DRGX: variants seen among roughly 807,000 people sequenced by gnomAD.
DRGX encodes dorsal root ganglia homeobox.
DRGX carries 21 observed loss-of-function variants against 28.6 expected under a neutral mutation model. The ratio of observed to expected loss-of-function variants is 0.73; its 90% confidence interval spans 0.52 to 1.06. The LOEUF (loss-of-function observed/expected upper bound fraction) is 1.06. Among genes scored for constraint, DRGX ranks in the 50% least tolerant of loss-of-function variants. DRGX has a pLI of 0.00. For synonymous variants in DRGX, 136 were observed against 139.1 expected, an observed-to-expected ratio of 0.98 and a Z score of 0.16; for missense variants, 354 against 343.9, an observed-to-expected ratio of 1.03 and a Z score of -0.23.
At chr10:49,370,773 A>G (rs1456201912) in intron 6 of DRGX, among the ~76,000 whole-genome samples, 1 of 152,284 alleles carries the variant, frequency 6.6e-6, no homozygotes, top group Non-Finnish European at 1.5e-5. Flanking sequence ...AAGGAAAAGT[A>G]TAAAGTCAAT....
intron 4 of DRGX, 93 bp downstream of exon 4, chr10:49,390,040 C>G: frequency 8.3e-7 from 1 of 1,205,364 alleles, no homozygotes; most frequent in Non-Finnish European, 1.1e-6. Context: ...CATTTGCTTT[C>G]TTTGGCCAAA....
intron 2 of DRGX, 90 bp from the exon 3 acceptor site, chr10:49,391,351 C>A: frequency 1.0e-6 from 1 of 982,204 alleles, no homozygotes; most frequent in South Asian, 1.4e-5. Flanking sequence ...CCCACCTGAC[C>A]CACCAGACAG....
chr10:49,388,385 GC>G (rs1386039387), intron 4 of DRGX, among the ~76,000 whole-genome samples: 1 of 152,244 alleles, frequency 6.6e-6, no homozygotes, highest in African/African-American at 2.4e-5. Context: ...CCCAGAGAGA[GC>G]CTGGGTCCTT....
chr10:49,386,350 C>T, intron 6 of DRGX, 128 bp downstream of exon 6: 2 of 755,290 alleles, frequency 2.6e-6, no homozygotes, highest in Non-Finnish European at 4.2e-6. Context: ...CTGGCTGTGA[C>T]TGACAGGAGG....
At chr10:49,394,266 G>A (rs934944225) in intron 2 of DRGX, among the ~76,000 whole-genome samples, 1 of 152,148 alleles carries the variant, frequency 6.6e-6, no homozygotes, top group Non-Finnish European at 1.5e-5. Context: ...GGACTCTTAA[G>A]AGCTTTTATG....
intron 2 of DRGX, among the ~76,000 whole-genome samples, chr10:49,394,865 GT>G (rs1399799322): frequency 3.7e-4 from 56 of 152,244 alleles, no homozygotes. Context: ...GGGCCACCTG[GT>G]TCCAGGGACG....
chr10:49,384,108 C>T (rs1400751061), intron 6 of DRGX, among the ~76,000 whole-genome samples: 1 of 152,234 alleles, frequency 6.6e-6, no homozygotes, highest in Non-Finnish European at 1.5e-5. Context: ...CAGCATGGCT[C>T]CTTGCTTAGC....
intron 6 of DRGX, among the ~76,000 whole-genome samples, chr10:49,381,958 G>A (rs947859972): frequency 6.6e-6 from 1 of 152,198 alleles, no homozygotes; most frequent in African/African-American, 2.4e-5. Flanking sequence ...TGGGTGAATT[G>A]CAAGCTGCCA....
chr10:49,383,155 G>T (rs1849796048), intron 6 of DRGX, among the ~76,000 whole-genome samples: 1 of 152,196 alleles, frequency 6.6e-6, no homozygotes, highest in South Asian at 2.1e-4. Flanking sequence ...ATGCAGAGGT[G>T]CCACGACTCA....
chr10:49,389,840 C>CTT (rs372299739), intron 4 of DRGX, among the ~76,000 whole-genome samples: 6 of 138,000 alleles, frequency 4.3e-5, no homozygotes, highest in African/African-American at 7.9e-5. Context: ...TTCTTTCTTT[C>CTT]TTTTTTTTTT....
intron 6 of DRGX, among the ~76,000 whole-genome samples, chr10:49,369,632 G>A (rs958916009): frequency 1.3e-5 from 2 of 152,096 alleles, no homozygotes; most frequent in African/African-American, 2.4e-5. Flanking sequence ...TCAGAGCTTC[G>A]GTTTTGCAAG....
At chr10:49,393,292 G>A (rs183648540) in intron 2 of DRGX, among the ~76,000 whole-genome samples, 3 of 152,134 alleles carry the variant, frequency 2.0e-5, no homozygotes, top group Admixed American at 6.5e-5. Flanking sequence ...GAATGATGTA[G>A]CAATATAATT....
At chr10:49,366,572 G>T (rs1049729973) in intron 6 of DRGX, among the ~76,000 whole-genome samples, 191 bp from the exon 7 acceptor site, 8 of 152,254 alleles carry the variant, frequency 5.3e-5, no homozygotes, top group African/African-American at 1.4e-4. Context: ...ATCGTTCAAA[G>T]GATTGTCAGA....
At chr10:49,393,426 A>T (rs945718688) in intron 2 of DRGX, among the ~76,000 whole-genome samples, 1 of 152,182 alleles carries the variant, frequency 6.6e-6, no homozygotes, top group Non-Finnish European at 1.5e-5. Flanking sequence ...GAAAAGGAGG[A>T]TTTTGCTTTT....
intron 4 of DRGX, among the ~76,000 whole-genome samples, chr10:49,388,358 G>T (rs971840473): frequency 1.3e-5 from 2 of 152,190 alleles, no homozygotes; most frequent in Non-Finnish European, 2.9e-5. Context: ...TCCTCCCCTG[G>T]CTGCTGGCAC....
chr10:49,368,684 T>C (rs1478277877), intron 6 of DRGX, among the ~76,000 whole-genome samples: 1 of 152,250 alleles, frequency 6.6e-6, no homozygotes, highest in Non-Finnish European at 1.5e-5. Flanking sequence ...GAGCACCTAA[T>C]GTGTGAAGAC....
At chr10:49,390,980 G>T (rs886675565) in intron 3 of DRGX, among the ~76,000 whole-genome samples, 184 bp downstream of exon 3, 6 of 152,192 alleles carry the variant, frequency 3.9e-5, no homozygotes, top group Non-Finnish European at 8.8e-5. Flanking sequence ...GGATTACAAG[G>T]TTAGCGTCAT....
chr10:49,390,707 G>A (rs776873562), intron 3 of DRGX, among the ~76,000 whole-genome samples: 1 of 152,168 alleles, frequency 6.6e-6, no homozygotes. Flanking sequence ...GAGGCTGATC[G>A]AGGGGAAAAA....
intron 6 of DRGX, among the ~76,000 whole-genome samples, chr10:49,385,795 C>A (rs772037966): frequency 1.3e-5 from 2 of 152,208 alleles, no homozygotes; most frequent in Non-Finnish European, 2.9e-5. Context: ...CCCAGACGCA[C>A]GCTGGGGCCC....
Sources: gnomAD v4.1 joint callset for allele counts (sites outside exome capture counted in the v4.1 genomes callset) on GRCh38, gnomAD v4.1.1 for gene constraint, MANE v1.5 for transcripts, NCBI Gene and HGNC (gene_info 2026-07-23, HGNC 2026-07-21) for gene names.